BDP1: variants seen among roughly 807,000 people sequenced by gnomAD.
BDP1 encodes the protein transcription factor TFIIIB component B'' homolog.
In BDP1, 169 loss-of-function variants were observed where a neutral mutation model predicts 266.6. The observed-to-expected ratio is 0.63, with a 90% CI of 0.56 to 0.72. The LOEUF is 0.72. BDP1 is among the 30% of genes least tolerant of loss of function. The pLI is 0.00. For missense variants in BDP1, 3,015 were observed against 3,053.8 expected (o/e 0.99, Z 0.30); for synonymous variants, 1,090 against 1,022.4 (o/e 1.07, Z -1.26).
At chr5:71,570,660 G>C (rs891308177), downstream of BDP1, among the ~76,000 whole-genome samples, 2 of 152,226 alleles carry the variant, frequency 1.3e-5, no homozygotes, top group Non-Finnish European at 2.9e-5. Flanking sequence ...TGCCTACCTG[G>C]TCTAAAACAG....
rs1249832760 is a variant in BDP1, at chr5:71,524,292, T to C, written c.5741T>C (p.Val1914Ala). ...GTTGGTCTCAGATCTCCTGAACCTG[T>C]TTCTGCTCAGATTGAGGAAACAATG... ...VPVGLRSPEP[V>A]SAQIEETMEE... The change falls in exon 25 of 39, where the codon GTT becomes GCT. Residue 1914 changes from valine (V) to alanine (A), a missense_variant. This residue lies in a region of BDP1 where 2,383 missense variants were observed against 2,404.9 expected (regional missense o/e 0.99). Coordinates refer to ENST00000358731, the MANE Select transcript of BDP1 (RefSeq NM_018429.3). The C allele has an allele frequency of 6.2e-7, 1 of 1,600,608 alleles. No individual in the cohort carries two copies.
intron 32 of BDP1, among the ~76,000 whole-genome samples, chr5:71,547,952 C>A (rs557444344): frequency 6.6e-6 from 1 of 151,580 alleles, no homozygotes; most frequent in Admixed American, 6.6e-5. Flanking sequence ...GAGACTGTCT[C>A]AAAAAAATAA....
At chr5:71,523,615 G>A (rs1373940544) in intron 24 of BDP1, among the ~76,000 whole-genome samples, 1 of 152,128 alleles carries the variant, frequency 6.6e-6, no homozygotes, top group Non-Finnish European at 1.5e-5. Context: ...CGCCCAGCCG[G>A]TTCTGTGTCT....
At chr5:71,537,149 C>CAAAAAAAAAAAAAAAAAAAAAAAAAAAAA (rs70992979) in intron 26 of BDP1, among the ~76,000 whole-genome samples, 2 of 82,448 alleles carry the variant, frequency 2.4e-5, no homozygotes, top group Non-Finnish European at 4.3e-5. Flanking sequence ...ACCAAAAAAC[C>CAAAAAAAAAAAAAAAAAAAAAAAAAAAAA]AAAAAAAAAA....
At chr5:71,557,921 G>A (rs1743339749) in intron 36 of BDP1, among the ~76,000 whole-genome samples, 1 of 152,152 alleles carries the variant, frequency 6.6e-6, no homozygotes, top group Non-Finnish European at 1.5e-5. Flanking sequence ...ACCTATGGAA[G>A]CTGAAAAGAT....
In BDP1 at chr5:71,491,084, C is replaced by G. The variant is rs1449749197; in HGVS notation, c.1593C>G (p.Ala531=). Residue 531 remains alanine (A), a synonymous_variant, in exon 11 of 39, where the codon GCC becomes GCG. Transcript: ENST00000358731. The part of the protein sequence containing the change: ...TQNIDGIVGF[A]STEKVEKRTD... ...ACATAGATGGCATTGTGGGTTTTGC[C>G]TCCACTGAAAAAGTTGAGAAAAGAA... The G allele has an allele frequency of 1.3e-5, 21 of 1,613,876 alleles. No individual in the cohort carries two copies. In the Admixed American group the frequency reaches 3.5e-4, roughly 27 times the overall value.
intron 38 of BDP1, among the ~76,000 whole-genome samples, chr5:71,563,070 T>G (rs1743793314): frequency 6.6e-6 from 1 of 152,246 alleles, no homozygotes; most frequent in South Asian, 2.1e-4. Context: ...ACATTTTGTA[T>G]TATTTGTTAG....
Position 71,512,352 on chromosome 5 carries a change from C to T in BDP1, c.4171C>T (p.His1391Tyr), listed in dbSNP as rs772244057. The stretch of plus-strand genomic sequence containing the variant: ...TCATTTCAAGATTTCTTCACAGACT[C>T]ATGAATCTGATAAAACAGAAGTCCA... The part of the protein sequence containing the change: ...FSHFKISSQT[H>Y]ESDKTEVQGI... Residue 1391 changes from histidine (H) to tyrosine (Y), a missense_variant, in exon 18 of 39, where the codon CAT becomes TAT. His to Tyr is a moderately conservative substitution (Grantham distance 83, BLOSUM62 2). Transcript: ENST00000358731. 7 of 1,596,888 alleles carry T rather than the reference C, an allele frequency of 4.4e-6. No homozygotes were observed. The highest frequency in any genetic ancestry group is 6.0e-6 in the Non-Finnish European group (7 of 1,175,648).
At chr5:71,496,092 A>C (rs1228885854) in intron 12 of BDP1, among the ~76,000 whole-genome samples, 2 of 151,988 alleles carry the variant, frequency 1.3e-5, no homozygotes, top group African/African-American at 4.8e-5. Flanking sequence ...AATACAAAAA[A>C]TTAGCCGGGT....
intron 32 of BDP1, among the ~76,000 whole-genome samples, chr5:71,547,630 AT>A (rs1469644333): frequency 6.6e-6 from 1 of 152,178 alleles, no homozygotes; most frequent in African/African-American, 2.4e-5. Context: ...AGTTACTGAC[AT>A]TGTTGGTTAC....
intron 3 of BDP1, among the ~76,000 whole-genome samples, chr5:71,462,869 A>C (rs1481553190): frequency 6.6e-6 from 1 of 152,172 alleles, no homozygotes; most frequent in Non-Finnish European, 1.5e-5. Context: ...GAGGTGGCTC[A>C]TCCCTGTAAT....
At chr5:71,547,866 C>T (rs1453920579) in intron 32 of BDP1, among the ~76,000 whole-genome samples, 2 of 151,834 alleles carry the variant, frequency 1.3e-5, no homozygotes, top group South Asian at 2.1e-4. Context: ...GAGAATTGCT[C>T]GGACCCAGGA....
At chr5:71,527,029 A>T (rs1765930508) in intron 25 of BDP1, among the ~76,000 whole-genome samples, 1 of 151,610 alleles carries the variant, frequency 6.6e-6, no homozygotes, top group Non-Finnish European at 1.5e-5. Context: ...CATTAAGAAC[A>T]TTCACATGTA....
intron 3 of BDP1, among the ~76,000 whole-genome samples, chr5:71,463,072 C>T (rs1761678095): frequency 6.6e-6 from 1 of 152,002 alleles, no homozygotes; most frequent in Non-Finnish European, 1.5e-5. Context: ...AAGATTGCAC[C>T]ACTGCACTCC....
In BDP1 at chr5:71,487,310, C is replaced by T. The variant is rs927221188; in HGVS notation, c.1213+683C>T. ...AGGCTGGAGTGCAGTGGCACGATCT[C>T]GACTCACTGCAAGCTCCGCCTTCCG... On this transcript the variant is annotated intron_variant, in intron 9 of 38. Coordinates refer to ENST00000358731, the MANE Select transcript of BDP1 (RefSeq NM_018429.3). 2.0e-5 allele frequency among the ~76,000 whole-genome samples: 3 copies of T among 151,980 alleles called. No homozygotes were observed. In the East Asian group the frequency reaches 5.8e-4, roughly 29 times the overall value.
intron 7 of BDP1, among the ~76,000 whole-genome samples, chr5:71,480,380 C>T (rs528417011): frequency 7.3e-5 from 11 of 150,138 alleles, no homozygotes; most frequent in African/African-American, 1.5e-4. Context: ...GTGATCCACC[C>T]GCCTTGGCCT....
rs1283025992 is a variant in BDP1 at position 71,532,332 on chromosome 5, G to C, written c.5797G>C (p.Asp1933His). The C allele has an allele frequency of 1.4e-5, 22 of 1,613,558 alleles. No individual in the cohort carries two copies. Among genetic ancestry groups the C allele is most frequent in the Non-Finnish European group, 1.9e-5 (22 of 1,179,688 alleles). The part of the protein sequence containing the change: ...EELEITVNVP[D>H]VGCIAVVEHE... ...GCTTGAAATAACTGTGAATGTCCCA[G>C]ATGTAGGATGCATAGCTGTTGTTGA... Residue 1933 changes from aspartate (D) to histidine (H), a missense_variant, in exon 26 of 39, where the codon GAT becomes CAT. Around this residue, in one of 3 missense-constraint regions of BDP1, gnomAD observed 2,383 missense variants for 2,404.9 expected, o/e 0.99. Coordinates refer to ENST00000358731, the MANE Select transcript of BDP1 (RefSeq NM_018429.3).
intron 25 of BDP1, among the ~76,000 whole-genome samples, chr5:71,531,769 A>G (rs533234897): frequency 1.3e-5 from 2 of 152,256 alleles, no homozygotes; most frequent in Admixed American, 1.3e-4. Flanking sequence ...TCGGCCTCCC[A>G]AAGTGCTGGG....
chr5:71,506,538 A>G (rs1764585524), intron 16 of BDP1, among the ~76,000 whole-genome samples: 1 of 151,994 alleles, frequency 6.6e-6, no homozygotes, highest in Non-Finnish European at 1.5e-5. Context: ...GCACTTTGGG[A>G]GGCTGAGACA....
Sources: allele counts gnomAD v4.1 joint callset (sites outside exome capture counted in the v4.1 genomes callset), GRCh38; gene constraint gnomAD v4.1.1; regional missense constraint gnomAD v4.1.1; transcripts MANE v1.5; gene names NCBI Gene and HGNC (gene_info 2026-07-23, HGNC 2026-07-21).